Variants in RPGR observed in about 807,000 individuals in gnomAD.
RPGR encodes the protein retinitis pigmentosa GTPase regulator.
A neutral mutation model predicts 56.3 loss-of-function variants in RPGR; 10 were observed. The observed-to-expected ratio is 0.18, with a 90% confidence interval of 0.11 to 0.30. The LOEUF (loss-of-function observed/expected upper bound fraction) is 0.30. Ranked by LOEUF, RPGR falls within the 10% of genes least tolerant of loss-of-function variation. RPGR has a pLI of 1.00. For synonymous variants in RPGR, 197 were observed against 212.9 expected (o/e 0.93, Z 0.65); for missense variants, 538 against 590.9 (o/e 0.91, Z 0.93).
intron 1 of RPGR, chrX:38,325,662 C>T (rs980974356): frequency 4.5e-5 from 5 of 111,562 alleles, no homozygotes; most frequent in African/African-American, 6.5e-5. Context: ...TGGGAAAGGA[C>T]GGTTTATCTT....
intron 18 of RPGR, among the ~76,000 whole-genome samples, chrX:38,270,183 T>C (rs2066814133): frequency 9.0e-6 from 1 of 111,447 alleles, no homozygotes. Flanking sequence ...AACTTTTAAA[T>C]GTATCCAGGA....
intron 15 of RPGR, among the ~76,000 whole-genome samples, chrX:38,280,417 G>A (rs146327429): frequency 0.02 from 2,207 of 111,061 alleles, 38 homozygotes; most frequent in Middle Eastern, 0.037. Context: ...CTAGCATCAA[G>A]GCCAGTGAGG....
At chrX:38,299,988 C>T (rs1224604188) in intron 9 of RPGR, among the ~76,000 whole-genome samples, 6 of 109,625 alleles carry the variant, frequency 5.5e-5, no homozygotes, top group African/African-American at 1.0e-4. Flanking sequence ...TTACTCTTCT[C>T]GCCCAGGCTG....
intron 18 of RPGR, among the ~76,000 whole-genome samples, chrX:38,270,808 T>C (rs1322279637): frequency 9.1e-6 from 1 of 109,319 alleles, no homozygotes; most frequent in African/African-American, 3.3e-5. Context: ...TCCAGGCAGG[T>C]AGAAAACAGA....
chrX:38,321,901 G>A (rs1207503101), intron 3 of RPGR, among the ~76,000 whole-genome samples: 1 of 111,224 alleles, frequency 9.0e-6, no homozygotes, highest in African/African-American at 3.3e-5. Flanking sequence ...CATCTCCTAC[G>A]TGCTTGGCAT....
chrX:38,325,915 A>C (rs2068040039), intron 1 of RPGR: 1 of 112,138 alleles, frequency 8.9e-6, no homozygotes, highest in Admixed American at 9.4e-5. Flanking sequence ...GGAAATCCCA[A>C]GGTGGGTGAT....
intron 7 of RPGR, among the ~76,000 whole-genome samples, chrX:38,310,175 G>C (rs1195772664): frequency 9.1e-6 from 1 of 110,399 alleles, no homozygotes; most frequent in African/African-American, 3.3e-5. Flanking sequence ...GGCTGGTCTC[G>C]AACTCCTGGG....
intron 11 of RPGR, chrX:38,296,266 G>T (rs2067381827): frequency 9.0e-6 from 1 of 111,229 alleles, no homozygotes; most frequent in Non-Finnish European, 1.9e-5. Context: ...AGTGAGCCCA[G>T]ATTGCGCCAC....
intron 10 of RPGR, 23 bp from the exon 11 acceptor site, chrX:38,297,475 A>C: frequency 8.6e-7 from 1 of 1,159,389 alleles, no homozygotes; most frequent in Non-Finnish European, 1.2e-6. Flanking sequence ...CAGGTTAAAC[A>C]AACTATTTCA....
In RPGR at chrX:38,327,403, G is replaced by C; in HGVS notation, c.-36C>G. 1 of 1,161,444 alleles carries C rather than the reference G, an allele frequency of 8.6e-7. No homozygotes were observed. The highest frequency in any genetic ancestry group is 2.4e-4 in the Middle Eastern group (1 of 4,253). On this transcript the variant is annotated 5_prime_UTR_variant, in exon 1 of 19. Coordinates refer to ENST00000642395, the MANE Select transcript of RPGR (RefSeq NM_000328.3). ...GTACGGGCAGCCTGCGCCGGGGCCA[G>C]GAGGCTGTAGAGGACGGTTTGGTCG... is the stretch of plus-strand genomic sequence containing the variant.
At chrX:38,308,519 T>C (rs1403898554) in intron 7 of RPGR, among the ~76,000 whole-genome samples, 3 of 111,966 alleles carry the variant, frequency 2.7e-5, no homozygotes, top group Non-Finnish European at 5.6e-5. Flanking sequence ...GACACTATTA[T>C]ACAATCAACA....
intron 8 of RPGR, among the ~76,000 whole-genome samples, chrX:38,302,135 G>A (rs192792584): frequency 1.8e-5 from 2 of 111,780 alleles, no homozygotes; most frequent in East Asian, 5.6e-4. Context: ...GTCACTTCTC[G>A]CCAGTTAGTC....
chrX:38,316,498 T>C (rs2067831152), intron 6 of RPGR, among the ~76,000 whole-genome samples: 2 of 112,209 alleles, frequency 1.8e-5, no homozygotes, highest in African/African-American at 6.5e-5. Flanking sequence ...TTTGTGTTTT[T>C]GTTTCATGAA....
At chrX:38,288,855 C>T (rs2067238266) in intron 13 of RPGR, among the ~76,000 whole-genome samples, 1 of 110,619 alleles carries the variant, frequency 9.0e-6, no homozygotes, top group African/African-American at 3.3e-5. Context: ...GATCTCAGCT[C>T]ACTGCAGCCT....
At chrX:38,285,849 C>A in intron 15 of RPGR, 1 of 1,206,774 alleles carries the variant, frequency 8.3e-7, no homozygotes, top group African/African-American at 1.8e-5. Flanking sequence ...CTTCTCCTTC[C>A]CCCTCCTTTT....
chrX:38,322,356 T>C (rs940287991), intron 3 of RPGR, among the ~76,000 whole-genome samples: 3 of 112,041 alleles, frequency 2.7e-5, no homozygotes, highest in Non-Finnish European at 5.6e-5. Flanking sequence ...TTTTGTCCTG[T>C]TGTTCTTTTA....
chrX:38,298,950 T>C lies in RPGR; in HGVS notation c.1245+6A>G, dbSNP rs886038281. ...TACTATTATACAGAATAGGCCACAA[T>C]TGTACCCTCTCTCTTCGCCGCATAC... On this transcript the variant is annotated splice_donor_region_variant and intron_variant, in intron 10 of 18. Coordinates refer to ENST00000642395, the MANE Select transcript of RPGR (RefSeq NM_000328.3). The C allele has an allele frequency of 5.8e-6, 7 of 1,208,885 alleles. No individual in the cohort carries two copies. In the African/African-American group the frequency reaches 8.7e-5, roughly 15 times the overall value.
In RPGR at chrX:38,285,819, TTC is replaced by T. The variant is rs771214648; in HGVS notation, c.1905+1273_1905+1274del. 1.7e-6 allele frequency: 2 copies of T among 1,209,894 alleles called. No homozygotes were observed. The highest frequency in any genetic ancestry group is 1.1e-6 in the Non-Finnish European group (1 of 894,923). On this transcript the variant is annotated intron_variant, in intron 15 of 18. Transcript: ENST00000642395. ...ACTTCCCCTCTTCTTCCTCCTCCTC[TTC>T]TCTGTTCCTCCTGTTTTCTTCTCCT...
intron 11 of RPGR, chrX:38,295,909 A>G (rs193238499): frequency 1.8e-5 from 2 of 112,228 alleles, no homozygotes; most frequent in African/African-American, 6.5e-5. Context: ...ACCCCTATCA[A>G]ATAGAGAAAT....
Sources: gnomAD v4.1 joint callset for allele counts (sites outside exome capture counted in the v4.1 genomes callset) on GRCh38, gnomAD v4.1.1 for gene constraint, MANE v1.5 for transcripts, NCBI Gene and HGNC (gene_info 2026-07-23, HGNC 2026-07-21) for gene names.